Variants in ZNF609 observed in about 807,000 individuals in gnomAD.
ZNF609 encodes the protein zinc finger protein 609.
Under a neutral mutation model 109.5 loss-of-function variants are expected in ZNF609, and 11 were observed. The ratio of observed to expected loss-of-function variants is 0.10; its 90% CI spans 0.06 to 0.17. The LOEUF (loss-of-function observed/expected upper bound fraction) is 0.17. ZNF609 is among the 10% of genes least tolerant of loss of function. The probability of loss-of-function intolerance (pLI) is 1.00; values close to 1 mark genes in which losing one functional copy is unlikely to be tolerated. For missense variants in ZNF609, 1,559 were observed against 1,772.4 expected, an observed-to-expected ratio of 0.88 and a Z score of 2.16; for synonymous variants, 646 against 662.0, an observed-to-expected ratio of 0.98 and a Z score of 0.37.
rs926713323 is a variant in ZNF609, at chr15:64,594,744, C to T, written c.748-28083C>T. On this transcript the variant is annotated intron_variant, in intron 2 of 9. Coordinates refer to ENST00000326648, the MANE Select transcript of ZNF609 (RefSeq NM_015042.2). The stretch of plus-strand genomic sequence containing the variant: ...AGTGTGATTAGAAAAGAATGTGTCT[C>T]GGCCGGGCGCGGTGGCTCACGCCTG... 8.6e-5 allele frequency among the ~76,000 whole-genome samples: 13 copies of T among 151,646 alleles called. No homozygotes were observed. The East Asian group carries it at 2.4e-3, about 28-fold the overall frequency.
chr15:64,602,684 T>A (rs889946375), intron 2 of ZNF609, among the ~76,000 whole-genome samples: 2 of 151,398 alleles, frequency 1.3e-5, no homozygotes, highest in Non-Finnish European at 2.9e-5. Flanking sequence ...ATGACTTCTA[T>A]TAACTACTGC....
chr15:64,481,805 G>C (rs1893258111), intron 1 of ZNF609, among the ~76,000 whole-genome samples: 1 of 152,012 alleles, frequency 6.6e-6, no homozygotes, highest in Non-Finnish European at 1.5e-5. Context: ...TTGTTTTTGA[G>C]ATGAAGTCTT....
chr15:64,570,829 G>A lies in ZNF609; in HGVS notation c.748-51998G>A, dbSNP rs533303446. On this transcript the variant is annotated intron_variant, in intron 2 of 9. Coordinates refer to ENST00000326648, the MANE Select transcript of ZNF609 (RefSeq NM_015042.2). The stretch of plus-strand genomic sequence containing the variant: ...TCACCTGAGGTCAGGAGTTCGAGAC[G>A]AGCCTGGCCAACATAGCAAAACCTC... 3.8e-4 allele frequency among the ~76,000 whole-genome samples: 58 copies of A among 152,086 alleles called. 1 individual carries two copies. Among genetic ancestry groups the A allele is most frequent in the South Asian group, 3.1e-3 (15 of 4,810 alleles).
At chr15:64,602,716 C>CTTTTTTTTTTTTTTTT (rs10600561) in intron 2 of ZNF609, among the ~76,000 whole-genome samples, 8 of 55,566 alleles carry the variant, frequency 1.4e-4, no homozygotes, top group South Asian at 7.1e-4. Context: ...TTTTTTCTTT[C>CTTTTTTTTTTTTTTTT]TTTTTTTTTT....
chr15:64,519,257 T>C (rs911315932), intron 2 of ZNF609, among the ~76,000 whole-genome samples: 1 of 152,130 alleles, frequency 6.6e-6, no homozygotes, highest in African/African-American at 2.4e-5. Context: ...TCTTGAGGAC[T>C]GGATGTGTGA....
At chr15:64,537,875 C>T (rs542635040) in intron 2 of ZNF609, among the ~76,000 whole-genome samples, 124 of 151,846 alleles carry the variant, frequency 8.2e-4, no homozygotes, top group Non-Finnish European at 1.5e-3. Flanking sequence ...CTGAGGTGGG[C>T]GGATCACCTG....
chr15:64,563,024 G>A (rs1213378915), intron 2 of ZNF609, among the ~76,000 whole-genome samples: 1 of 152,076 alleles, frequency 6.6e-6, no homozygotes, highest in Non-Finnish European at 1.5e-5. Flanking sequence ...CACACCTGTA[G>A]TTCCAGCTAC....
At chr15:64,526,425 C>G (rs961756723) in intron 2 of ZNF609, among the ~76,000 whole-genome samples, 1 of 152,066 alleles carries the variant, frequency 6.6e-6, no homozygotes, top group African/African-American at 2.4e-5. Context: ...CTTACAACCT[C>G]GATGTCTTTT....
chr15:64,627,316 G>A (rs1231819323), intron 3 of ZNF609, among the ~76,000 whole-genome samples: 1 of 152,120 alleles, frequency 6.6e-6, no homozygotes, highest in Non-Finnish European at 1.5e-5. Context: ...GTACTTTTAG[G>A]GACACAAAAT....
At chr15:64,635,100 AAG>A (rs1230379863) in intron 3 of ZNF609, among the ~76,000 whole-genome samples, 8 of 152,154 alleles carry the variant, frequency 5.3e-5, no homozygotes, top group African/African-American at 1.4e-4. Flanking sequence ...CCAGGGGAGA[AAG>A]AGAGTCTCCC....
chr15:64,463,806 G>A lies in ZNF609; in HGVS notation c.-128+2968G>A, dbSNP rs147524185. Among the ~76,000 whole-genome samples, 287 of 152,312 alleles carry A rather than the reference G, an allele frequency of 1.9e-3. 3 individuals carry two copies. The East Asian group carries it at 0.044, about 23-fold the overall frequency. On this transcript the variant is annotated intron_variant, in intron 1 of 9. Coordinates refer to ENST00000326648, the MANE Select transcript of ZNF609 (RefSeq NM_015042.2). ...GTCTTTAGACTATTTCCAACTCTGT[G>A]TCCTAGGAATATTTGAGTGAAGCCT...
At chr15:64,574,648 C>T (rs1894918638) in intron 2 of ZNF609, among the ~76,000 whole-genome samples, 1 of 152,102 alleles carries the variant, frequency 6.6e-6, no homozygotes, top group Non-Finnish European at 1.5e-5. Context: ...TACAGCTGCC[C>T]CAGATAACCT....
intron 3 of ZNF609, among the ~76,000 whole-genome samples, chr15:64,644,967 TC>T (rs766572181): frequency 2.8e-5 from 4 of 143,094 alleles, no homozygotes; most frequent in East Asian, 1.9e-4. Flanking sequence ...TCTTTTCTTT[TC>T]TTCTTTCTTT....
intron 2 of ZNF609, among the ~76,000 whole-genome samples, chr15:64,528,263 A>T (rs1893999866): frequency 6.6e-6 from 1 of 151,788 alleles, no homozygotes; most frequent in East Asian, 1.9e-4. Context: ...ACGCCCAGCT[A>T]ATTTTTGAAT....
At chr15:64,477,350 C>G (rs974654676) in intron 1 of ZNF609, among the ~76,000 whole-genome samples, 6 of 151,848 alleles carry the variant, frequency 4.0e-5, no homozygotes, top group Non-Finnish European at 5.9e-5. Context: ...CCGTGTTAGC[C>G]AGGATGGTCT....
chr15:64,553,458 T>G (rs1894520025), intron 2 of ZNF609, among the ~76,000 whole-genome samples: 1 of 151,992 alleles, frequency 6.6e-6, no homozygotes, highest in Non-Finnish European at 1.5e-5. Flanking sequence ...TTACACATTT[T>G]TAAGTATTTC....
At chr15:64,508,705 T>C (rs1893670673) in intron 2 of ZNF609, among the ~76,000 whole-genome samples, 1 of 149,804 alleles carries the variant, frequency 6.7e-6, no homozygotes, top group South Asian at 2.1e-4. Flanking sequence ...TTTTTTTTTT[T>C]TGAGACAGGG....
At chr15:64,656,001 G>T (rs1896482945) in intron 3 of ZNF609, among the ~76,000 whole-genome samples, 1 of 152,132 alleles carries the variant, frequency 6.6e-6, no homozygotes, top group Non-Finnish European at 1.5e-5. Flanking sequence ...TGGATAAGTA[G>T]CAGCTTTTGG....
chr15:64,629,721 T>C (rs1896035059), intron 3 of ZNF609, among the ~76,000 whole-genome samples: 1 of 152,178 alleles, frequency 6.6e-6, no homozygotes, highest in African/African-American at 2.4e-5. Context: ...GATACATTAC[T>C]TCCCCGCACA....
Sources: gnomAD v4.1 joint callset for allele counts (sites outside exome capture counted in the v4.1 genomes callset) on GRCh38, gnomAD v4.1.1 for gene constraint, MANE v1.5 for transcripts, NCBI Gene and HGNC (gene_info 2026-07-23, HGNC 2026-07-21) for gene names.